QSER1: variants seen among roughly 807,000 people sequenced by gnomAD.
QSER1 encodes glutamine and serine-rich protein 1.
In QSER1, 49 loss-of-function variants were observed where a neutral mutation model predicts 158.5. That is an observed-to-expected ratio of 0.31 (90% CI 0.25 to 0.39). The LOEUF is 0.39. Ranked by LOEUF, QSER1 falls within the 10% of genes least tolerant of loss-of-function variation. The pLI, the probability that QSER1 is intolerant of heterozygous loss-of-function variation, is 1.00. For synonymous variants in QSER1, 650 were observed against 715.5 expected, an observed-to-expected ratio of 0.91 and a Z score of 1.46; for missense variants, 1,754 against 2,010.3, an observed-to-expected ratio of 0.87 and a Z score of 2.44.
intron 4 of QSER1, among the ~76,000 whole-genome samples, chr11:32,946,008 C>G (rs1334329745): frequency 6.6e-6 from 1 of 151,100 alleles, no homozygotes; most frequent in African/African-American, 2.4e-5. Flanking sequence ...TGCTGATACC[C>G]TTTCTTCCAG....
intron 10 of QSER1, among the ~76,000 whole-genome samples, chr11:32,972,269 G>A (rs1852876985): frequency 1.3e-5 from 2 of 151,970 alleles, no homozygotes; most frequent in Non-Finnish European, 2.9e-5. Flanking sequence ...AATGATGGTA[G>A]GAGCTCGATT....
intron 8 of QSER1, 92 bp downstream of exon 8, chr11:32,958,178 C>CA (rs1852557996): frequency 2.9e-6 from 3 of 1,024,654 alleles, no homozygotes; most frequent in Non-Finnish European, 4.3e-6. Context: ...AATGTATTTA[C>CA]TTTTCAGGGA....
In QSER1 at chr11:32,975,301, C is replaced by T; in HGVS notation, c.5412C>T (p.Leu1804=). The stretch of plus-strand genomic sequence containing the variant: ...AGTTGTATTCTTTGTATCATTCACT[C>T]CATCATTATAAGTACCATGTTTATC... The part of the protein sequence containing the change: ...KIQLYSLYHS[L]HHYKYHVYLI... The change falls in exon 12 of 13, where the codon CTC becomes CTT. Residue 1804 remains leucine, a synonymous_variant. Transcript: ENST00000650167. The T allele has an allele frequency of 6.3e-7, 1 of 1,597,522 alleles. No individual in the cohort carries two copies. The highest frequency in any genetic ancestry group is 8.6e-7 in the Non-Finnish European group (1 of 1,166,874).
intron 4 of QSER1, among the ~76,000 whole-genome samples, chr11:32,941,239 T>A (rs984620667): frequency 9.6e-4 from 137 of 143,428 alleles, no homozygotes; most frequent in African/African-American, 3.4e-3. Context: ...TATTATTATT[T>A]TTAATTATTA....
chr11:32,933,083 C>T lies in QSER1; in HGVS notation c.1825C>T (p.Arg609Trp), dbSNP rs978359196. 1.2e-5 allele frequency: 19 copies of T among 1,613,718 alleles called. No homozygotes were observed. The highest frequency in any genetic ancestry group is 1.7e-5 in the Admixed American group (1 of 59,958). The change falls in exon 4 of 13, where the codon CGG becomes TGG. Residue 609 changes from arginine (R) to tryptophan (W), a missense_variant. Coordinates refer to ENST00000650167, the MANE Select transcript of QSER1 (RefSeq NM_001076786.3). ...TTCTCTTTCTTATTCTTCTGCCTCT[C>T]GGGCTCAGAATTTGCCAGACTCTAG... ...APSLSYSSAS[R>W]AQNLPDSSPT...
chr11:32,968,789 C>T (rs534023403), intron 9 of QSER1, among the ~76,000 whole-genome samples: 1 of 152,330 alleles, frequency 6.6e-6, no homozygotes, highest in African/African-American at 2.4e-5. Context: ...TCAGCTAAAA[C>T]TTAGAACTTT....
In QSER1 at chr11:32,896,137, T is replaced by A. The variant is rs559154814; in HGVS notation, c.209+2803T>A. Among the ~76,000 whole-genome samples the A allele has an allele frequency of 7.2e-4, 109 of 152,190 alleles. 2 individuals are homozygous for A. The highest frequency in any genetic ancestry group is 3.5e-3 in the Admixed American group (54 of 15,286). The stretch of plus-strand genomic sequence containing the variant: ...GTTGGAAATACCTTTTGGGGTGCAG[T>A]TTTGGATGTTGTAAATACCTTTGCA... On this transcript the variant is annotated intron_variant, in intron 1 of 12. Transcript: ENST00000650167.
intron 10 of QSER1, among the ~76,000 whole-genome samples, chr11:32,973,150 G>T (rs1302803982): frequency 1.3e-5 from 2 of 152,214 alleles, no homozygotes; most frequent in South Asian, 4.1e-4. Flanking sequence ...AAGGGAAATA[G>T]ATTACATATC....
chr11:32,954,093 G>A lies in QSER1; in HGVS notation c.4414G>A (p.Glu1472Lys), dbSNP rs1564942439. 6.2e-7 allele frequency: 1 copy of A among 1,614,150 alleles called. No individual in the cohort carries two copies. Among genetic ancestry groups the A allele is most frequent in the East Asian group, 2.2e-5 (1 of 44,890 alleles). Residue 1472 changes from glutamate (E) to lysine (K), a missense_variant, in exon 5 of 13, where the codon GAG becomes AAG. Physicochemically the swap from Glu to Lys is moderately conservative, Grantham distance 56. This residue lies in a region of QSER1 where 1,707 missense variants were observed against 1,919.6 expected (regional missense o/e 0.89). Coordinates refer to ENST00000650167, the MANE Select transcript of QSER1 (RefSeq NM_001076786.3). The part of the protein sequence containing the change: ...DTVAIEGFTD[E>K]EDTESGGEGQ... Reference sequence around the variant, plus strand: ...TGTTGCCATAGAAGGTTTTACAGATGAGGAGGACACAGAAAGCGGAGGAGA... The same window carrying A: ...TGTTGCCATAGAAGGTTTTACAGATAAGGAGGACACAGAAAGCGGAGGAGA...
At position 32,934,651 on chromosome 11, in the gene QSER1, C is replaced by T; in HGVS notation, c.3393C>T (p.Asn1131=). 1.2e-6 allele frequency: 2 copies of T among 1,613,754 alleles called. No individual in the cohort carries two copies. The highest frequency in any genetic ancestry group is 1.1e-5 in the South Asian group (1 of 91,068). ...EAPVDSTLNN[N]RNQEFVSSSR... ...CTGTTGATAGTACATTAAATAATAA[C>T]AGAAACCAAGAGTTTGTTTCTAGTA... Residue 1131 remains asparagine, a synonymous_variant, in exon 4 of 13, where the codon AAC becomes AAT. Coordinates refer to ENST00000650167, the MANE Select transcript of QSER1 (RefSeq NM_001076786.3).
rs533730508 is a variant in QSER1, at chr11:32,974,079, TA to T, written c.5358+531del. On this transcript the variant is annotated intron_variant, in intron 11 of 12. Transcript: ENST00000650167. ...CATCTTCAAACATAGTATAAATTGT[TA>T]TAACCTTTTCAGAAAACAGTTTGGC... Among the ~76,000 whole-genome samples, 60 of 152,340 alleles carry T rather than the reference TA, an allele frequency of 3.9e-4. 1 individual carries two copies. In the South Asian group the frequency reaches 9.1e-3, roughly 23 times the overall value.
At chr11:32,975,364 TA>T (rs747734792) in intron 12 of QSER1, 21 bp downstream of exon 12, 44 of 1,604,990 alleles carry the variant, frequency 2.7e-5, no homozygotes, top group Middle Eastern at 3.3e-4. Context: ...CTCATTTACT[TA>T]AAAAAAATGT....
At chr11:32,964,721 T>G (rs1273204115) in intron 8 of QSER1, among the ~76,000 whole-genome samples, 2 of 93,160 alleles carry the variant, frequency 2.1e-5, no homozygotes, top group African/African-American at 7.6e-5. Flanking sequence ...AAACACCATA[T>G]ATATATATAT....
chr11:32,956,553 G>T (rs748871852), intron 7 of QSER1, among the ~76,000 whole-genome samples: 3 of 152,010 alleles, frequency 2.0e-5, no homozygotes, highest in Non-Finnish European at 4.4e-5. Context: ...GTACACAGTA[G>T]AATTATTATT....
At chr11:32,925,494 T>TTTTTATTTA (rs1554926205) in intron 1 of QSER1, among the ~76,000 whole-genome samples, 1 of 143,568 alleles carries the variant, frequency 7.0e-6, no homozygotes. Context: ...TACATCGCTT[T>TTTTTATTTA]TTTATTTATT....
chr11:32,948,638 C>A (rs1185895070), intron 4 of QSER1, among the ~76,000 whole-genome samples: 2 of 151,890 alleles, frequency 1.3e-5, no homozygotes, highest in Non-Finnish European at 2.9e-5. Flanking sequence ...CTTAAAAAAA[C>A]AAAACAAAAC....
At chr11:32,951,502 C>T (rs946615306) in intron 4 of QSER1, among the ~76,000 whole-genome samples, 4 of 152,028 alleles carry the variant, frequency 2.6e-5, no homozygotes, top group African/African-American at 9.7e-5. Context: ...GGGTTGATTC[C>T]ATAGGTCAGT....
chr11:32,961,808 C>T (rs1244564545), intron 8 of QSER1, among the ~76,000 whole-genome samples: 1 of 152,146 alleles, frequency 6.6e-6, no homozygotes, highest in African/African-American at 2.4e-5. Context: ...CTAGGTTCAT[C>T]CATGTAAAAG....
Position 32,934,848 on chromosome 11 carries a change from A to G in QSER1, c.3590A>G (p.His1197Arg). 1 of 1,614,076 alleles carries G rather than the reference A, an allele frequency of 6.2e-7. No homozygotes were observed. The highest frequency in any genetic ancestry group is 8.5e-7 in the Non-Finnish European group (1 of 1,180,010). The change falls in exon 4 of 13, where the codon CAT (histidine) becomes CGT (arginine). Residue 1197 changes from histidine to arginine, a missense_variant. By Grantham distance (29) the His-to-Arg change is conservative (BLOSUM62 0). This residue lies in a region of QSER1 where 1,707 missense variants were observed against 1,919.6 expected (regional missense o/e 0.89). Coordinates refer to ENST00000650167, the MANE Select transcript of QSER1 (RefSeq NM_001076786.3). ...GAAGAAGAAAACCAAGATTTAATGC[A>G]TTTTAACCTTCAAAAGAAAAGAGCT... The part of the protein sequence containing the change: ...KIEEENQDLM[H>R]FNLQKKRAKG...
Sources: allele counts gnomAD v4.1 joint callset (sites outside exome capture counted in the v4.1 genomes callset), GRCh38; gene constraint gnomAD v4.1.1; regional missense constraint gnomAD v4.1.1; transcripts MANE v1.5; gene names NCBI Gene and HGNC (gene_info 2026-07-23, HGNC 2026-07-21).